Variants in VRK2 observed in about 807,000 individuals in gnomAD.
The protein encoded by VRK2 is VRK serine/threonine kinase 2, also known as serine/threonine-protein kinase VRK2.
VRK2 carries 60 observed loss-of-function variants against 57.6 expected under a neutral mutation model. That is an observed-to-expected ratio of 1.04 (90% CI 0.85 to 1.29). VRK2 has a LOEUF of 1.29. Ranked by LOEUF, VRK2 falls within the 50% of genes most tolerant of loss-of-function variation. VRK2 has a pLI of 0.00. For missense variants in VRK2, 705 were observed against 588.1 expected (o/e 1.20, Z -2.06); for synonymous variants, 231 against 199.2 (o/e 1.16, Z -1.35).
intron 2 of VRK2, among the ~76,000 whole-genome samples, chr2:58,068,639 G>A (rs1162848816): frequency 6.6e-6 from 1 of 151,744 alleles, no homozygotes; most frequent in African/African-American, 2.4e-5. Context: ...CTTCTCTTCT[G>A]GGATTCTACA....
chr2:58,015,803 C>T (rs2103659069), intron 1 of VRK2, among the ~76,000 whole-genome samples: 1 of 152,044 alleles, frequency 6.6e-6, no homozygotes, highest in East Asian at 1.9e-4. Context: ...AACATGTTGC[C>T]CTCAAATGTA....
chr2:58,156,417 T>C (rs761037012), intron 12 of VRK2, among the ~76,000 whole-genome samples: 1 of 152,136 alleles, frequency 6.6e-6, no homozygotes, highest in Non-Finnish European at 1.5e-5. Flanking sequence ...ATTGGAAAGG[T>C]TTTGTATGAT....
At chr2:58,122,628 C>T (rs1677689603) in intron 7 of VRK2, among the ~76,000 whole-genome samples, 1 of 152,174 alleles carries the variant, frequency 6.6e-6, no homozygotes, top group Non-Finnish European at 1.5e-5. Flanking sequence ...ACAAAATCCA[C>T]ATATAAGTGG....
intron 1 of VRK2, among the ~76,000 whole-genome samples, chr2:57,944,522 G>A (rs1341672178): frequency 6.6e-6 from 1 of 152,152 alleles, no homozygotes; most frequent in East Asian, 1.9e-4. Context: ...GGATCACGAC[G>A]TCAGGAGATC....
chr2:57,933,796 ATTCT>A (rs1186630574), intron 1 of VRK2, among the ~76,000 whole-genome samples: 3 of 151,882 alleles, frequency 2.0e-5, no homozygotes, highest in Non-Finnish European at 4.4e-5. Flanking sequence ...TGTTTTGAAG[ATTCT>A]TTGTTTCTTT....
chr2:58,134,636 A>AG (rs980833578), intron 9 of VRK2, among the ~76,000 whole-genome samples: 6 of 151,274 alleles, frequency 4.0e-5, no homozygotes, highest in East Asian at 1.9e-4. Flanking sequence ...AAAAAAAAAA[A>AG]AGAATATGGA....
intron 3 of VRK2, among the ~76,000 whole-genome samples, chr2:58,037,950 G>T (rs192901854): frequency 6.6e-6 from 1 of 152,062 alleles, no homozygotes; most frequent in Non-Finnish European, 1.5e-5. Flanking sequence ...TGAAAAACAG[G>T]CAGTGTAGCA....
upstream of VRK2, among the ~76,000 whole-genome samples, chr2:58,042,147 G>T (rs1218198845): frequency 6.6e-6 from 1 of 152,086 alleles, no homozygotes; most frequent in Non-Finnish European, 1.5e-5. Context: ...TGGTTTACAT[G>T]ACATATTGAT....
chr2:57,918,746 T>G (rs1032991936), intron 1 of VRK2, among the ~76,000 whole-genome samples: 2 of 152,134 alleles, frequency 1.3e-5, no homozygotes, highest in African/African-American at 4.8e-5. Flanking sequence ...TACTTTTTAC[T>G]CTTCTATTGA....
chr2:57,999,873 T>C (rs1673038114), intron 1 of VRK2, among the ~76,000 whole-genome samples: 1 of 152,184 alleles, frequency 6.6e-6, no homozygotes, highest in Admixed American at 6.5e-5. Flanking sequence ...AGCCAGTTAG[T>C]GGCTCATGCC....
intron 1 of VRK2, among the ~76,000 whole-genome samples, chr2:57,932,251 T>C (rs1670753080): frequency 6.6e-6 from 1 of 152,126 alleles, no homozygotes; most frequent in African/African-American, 2.4e-5. Context: ...CTTCAATTTT[T>C]TGGAAGAGTT....
intron 3 of VRK2, 131 bp downstream of exon 3, chr2:58,084,269 C>T (rs915824043): frequency 1.9e-5 from 18 of 947,776 alleles, no homozygotes; most frequent in South Asian, 9.6e-5. Context: ...TCTGTTTTGA[C>T]GTTGTTAAAA....
chr2:58,032,048 T>C (rs1325444164), intron 2 of VRK2, among the ~76,000 whole-genome samples: 2 of 152,060 alleles, frequency 1.3e-5, no homozygotes, highest in East Asian at 3.9e-4. Flanking sequence ...CACTCACTCT[T>C]AGAAAACTCA....
chr2:58,159,245 G>C (rs1684642867), intron 12 of VRK2, 104 bp from the exon 13 acceptor site: 2 of 855,954 alleles, frequency 2.3e-6, no homozygotes, highest in East Asian at 2.5e-5. Context: ...GCAAAAACTT[G>C]ATCTTGTATA....
chr2:57,958,519 A>G (rs539947955), intron 1 of VRK2, among the ~76,000 whole-genome samples: 1 of 152,008 alleles, frequency 6.6e-6, no homozygotes, highest in African/African-American at 2.4e-5. Flanking sequence ...TATCACATAT[A>G]TATGATTGTA....
intron 2 of VRK2, among the ~76,000 whole-genome samples, chr2:58,055,890 CA>C (rs952319733): frequency 6.6e-6 from 1 of 152,102 alleles, no homozygotes; most frequent in African/African-American, 2.4e-5. Context: ...AGTTTTCTAT[CA>C]ATAAAAACTT....
chr2:57,975,674 C>G (rs546780783), intron 1 of VRK2, among the ~76,000 whole-genome samples: 15 of 152,050 alleles, frequency 9.9e-5, no homozygotes, highest in African/African-American at 2.7e-4. Flanking sequence ...GTCCCTACCA[C>G]CTGTCCCCAA....
At chr2:58,132,525 G>A (rs1480528013) in intron 9 of VRK2, among the ~76,000 whole-genome samples, 1 of 152,144 alleles carries the variant, frequency 6.6e-6, no homozygotes, top group African/African-American at 2.4e-5. Flanking sequence ...ACTAAGAACA[G>A]GGTGTGTTAC....
chr2:58,031,618 T>G (rs570328988), intron 2 of VRK2, among the ~76,000 whole-genome samples: 7 of 152,196 alleles, frequency 4.6e-5, no homozygotes, highest in Admixed American at 4.6e-4. Flanking sequence ...TTTCCCTAAT[T>G]AATTTACAAT....
Sources: gnomAD v4.1 joint callset for allele counts (sites outside exome capture counted in the v4.1 genomes callset) on GRCh38, gnomAD v4.1.1 for gene constraint, MANE v1.5 for transcripts, NCBI Gene and HGNC (gene_info 2026-07-23, HGNC 2026-07-21) for gene names.